SMAP2: variants seen among roughly 807,000 people sequenced by gnomAD.
The protein encoded by SMAP2 is small ArfGAP2.
A neutral mutation model predicts 56.4 loss-of-function variants in SMAP2; 25 were observed. The ratio of observed to expected loss-of-function variants is 0.44; its 90% confidence interval spans 0.32 to 0.62. SMAP2 has a LOEUF of 0.62. SMAP2 is among the 20% of genes least tolerant of loss of function. The pLI is 0.04. For synonymous variants in SMAP2, 157 were observed against 181.7 expected, an observed-to-expected ratio of 0.86 and a Z score of 1.09; for missense variants, 388 against 545.6, an observed-to-expected ratio of 0.71 and a Z score of 2.88.
At chr1:40,350,321 C>T (rs1350248544) in intron 1 of SMAP2, among the ~76,000 whole-genome samples, 1 of 152,148 alleles carries the variant, frequency 6.6e-6, no homozygotes, top group East Asian at 1.9e-4. Flanking sequence ...GTACCAGACA[C>T]ATAGGAATCA....
exon 2 of SMAP2, chr1:40,362,395 T>G (rs934257140): frequency 2.0e-5 from 3 of 152,166 alleles, no homozygotes; most frequent in Admixed American, 6.5e-5. Flanking sequence ...TGGAAGCCAA[T>G]GGAACACAGC....
In SMAP2 at chr1:40,374,530, A is replaced by G. The variant is rs1557827417; in HGVS notation, c.103+307A>G. 7 of 924,562 alleles carry G rather than the reference A, an allele frequency of 7.6e-6. No homozygotes were observed. Among genetic ancestry groups the G allele is most frequent in the Non-Finnish European group, 1.2e-5 (7 of 591,180 alleles). 57.3% of individuals were successfully genotyped at this position (924,562 alleles called of 1,614,324 possible). A position where few individuals can be genotyped will look rare whatever the true frequency, so the allele number is the denominator to read the frequency against. Reference sequence around the variant, plus strand: ...TGAATGAGTTCTGGGCCGGCTGTCCAGAGAGAGCTCCCAGCATGTCACTTG... The same window carrying G: ...TGAATGAGTTCTGGGCCGGCTGTCCGGAGAGAGCTCCCAGCATGTCACTTG... On this transcript the variant is annotated intron_variant, in intron 1 of 9. Transcript: ENST00000372718. The surrounding 1 kb of genome is among the most constrained non-coding windows in gnomAD (Gnocchi z 5.9).
chr1:40,351,070 C>T (rs1309152678), intron 1 of SMAP2, among the ~76,000 whole-genome samples: 1 of 152,202 alleles, frequency 6.6e-6, no homozygotes, highest in Non-Finnish European at 1.5e-5. Flanking sequence ...TTCCCTTGTG[C>T]TTGTCCTACT....
chr1:40,353,422 G>A (rs4660162), intron 1 of SMAP2, among the ~76,000 whole-genome samples: 98,259 of 151,982 alleles, frequency 0.65, 32,139 homozygotes, highest in East Asian at 0.92. Context: ...AGGCTGGAGT[G>A]CAATGGCATG....
intron 1 of SMAP2, among the ~76,000 whole-genome samples, chr1:40,393,100 T>TG (rs1644733068): frequency 3.5e-5 from 1 of 28,862 alleles, no homozygotes; most frequent in African/African-American, 2.3e-4. Flanking sequence ...TGAATCCATC[T>TG]CAAAAAAAAA....
Position 40,415,345 on chromosome 1 carries a change from C to G in SMAP2, c.645C>G (p.Ala215=). 5 of 1,613,784 alleles carry G rather than the reference C, an allele frequency of 3.1e-6. No individual in the cohort carries two copies. Among genetic ancestry groups the G allele is most frequent in the Non-Finnish European group, 4.2e-6 (5 of 1,179,708 alleles). The part of the protein sequence containing the change: ...NTLEKDLDLL[A]SVPSPSSSGS... ...TAGAGAAGGATTTAGATCTGTTGGC[C>G]TCTGTTCCATCCCCTTCTTCTTCCG... The change falls in exon 7 of 10, where the codon GCC becomes GCG. Residue 215 remains alanine (A), a synonymous_variant. Coordinates refer to ENST00000372718, the MANE Select transcript of SMAP2 (RefSeq NM_022733.3).
Position 40,373,989 on chromosome 1 carries a change from G to A in SMAP2, c.-132G>A. 1 of 653,618 alleles carries A rather than the reference G, an allele frequency of 1.5e-6. No individual in the cohort carries two copies. The highest frequency in any genetic ancestry group is 1.9e-5 in the African/African-American group (1 of 53,976). The allele number at this position is 653,618 out of a possible 1,614,324, so 40.5% of individuals were successfully genotyped here. ...CCGGGAAGGGGCGTCCGGCGGGGCCGGAGGAGAGGGCTCTCCCCGCTCAGG... is the reference window on the plus strand; with the variant it reads ...CCGGGAAGGGGCGTCCGGCGGGGCCAGAGGAGAGGGCTCTCCCCGCTCAGG... On this transcript the variant is annotated 5_prime_UTR_variant, in exon 1 of 10. Coordinates refer to ENST00000372718, the MANE Select transcript of SMAP2 (RefSeq NM_022733.3).
At chr1:40,383,540 T>C (rs1644620997) in intron 1 of SMAP2, among the ~76,000 whole-genome samples, 1 of 152,234 alleles carries the variant, frequency 6.6e-6, no homozygotes. Flanking sequence ...CGGAAGGGTT[T>C]TCCGGCAGAT....
intron 1 of SMAP2, among the ~76,000 whole-genome samples, chr1:40,398,507 A>G (rs1374526866): frequency 6.6e-6 from 1 of 152,186 alleles, no homozygotes; most frequent in East Asian, 1.9e-4. Context: ...AGGCTCCAAA[A>G]TTTTTCCCCG....
chr1:40,349,860 TC>T (rs969447770), intron 1 of SMAP2, among the ~76,000 whole-genome samples: 13 of 152,164 alleles, frequency 8.5e-5, no homozygotes, highest in African/African-American at 3.1e-4. Context: ...AGTGTTCCAT[TC>T]CTTCTAAGTT....
intron 1 of SMAP2, chr1:40,393,292 G>A (rs1644734962): frequency 6.7e-7 from 1 of 1,496,620 alleles, no homozygotes; most frequent in South Asian, 1.3e-5. Context: ...GGGCAACAAA[G>A]CAACAAACCC....
chr1:40,378,962 ATTTCT>A (rs201740296), intron 1 of SMAP2, among the ~76,000 whole-genome samples: 7,454 of 148,482 alleles, frequency 0.05, 264 homozygotes, highest in East Asian at 0.18. Flanking sequence ...ATTGTTGGCA[ATTTCT>A]TTTCTTTTCT....
rs528094906 is a variant in SMAP2, at chr1:40,401,120, G to A, written c.104-5616G>A. Reference sequence around the variant, plus strand: ...TAAAAATACAAAAACAAAATTAGCCGGGCGTGATCGCGGGCGCCTGTAGTC... The same window carrying A: ...TAAAAATACAAAAACAAAATTAGCCAGGCGTGATCGCGGGCGCCTGTAGTC... On this transcript the variant is annotated intron_variant, in intron 1 of 9. Coordinates refer to ENST00000372718, the MANE Select transcript of SMAP2 (RefSeq NM_022733.3). 3.3e-5 allele frequency among the ~76,000 whole-genome samples: 5 copies of A among 152,170 alleles called. No homozygotes were observed. The East Asian group carries it at 7.7e-4, about 24-fold the overall frequency.
intron 1 of SMAP2, among the ~76,000 whole-genome samples, chr1:40,402,387 A>G (rs1644843521): frequency 6.6e-6 from 1 of 151,848 alleles, no homozygotes; most frequent in African/African-American, 2.4e-5. Context: ...GTAGATTATT[A>G]TTTACTATAG....
At chr1:40,347,869 G>T (rs1442848744) in intron 1 of SMAP2, among the ~76,000 whole-genome samples, 1 of 152,100 alleles carries the variant, frequency 6.6e-6, no homozygotes, top group Non-Finnish European at 1.5e-5. Flanking sequence ...GTGTGTGTGT[G>T]TCTGTGTGTG....
intron 1 of SMAP2, among the ~76,000 whole-genome samples, chr1:40,357,095 T>C (rs903693054): frequency 1.3e-5 from 2 of 152,020 alleles, no homozygotes; most frequent in Non-Finnish European, 2.9e-5. Context: ...GTTTGCACAT[T>C]TTTTTCCCCA....
chr1:40,353,658 A>G (rs1264097907), intron 1 of SMAP2, among the ~76,000 whole-genome samples: 2 of 152,130 alleles, frequency 1.3e-5, no homozygotes, highest in East Asian at 1.9e-4. Context: ...GTCACTGCAC[A>G]TGGCCCAGAA....
At chr1:40,383,770 T>C (rs755638363) in intron 1 of SMAP2, among the ~76,000 whole-genome samples, 3 of 152,194 alleles carry the variant, frequency 2.0e-5, no homozygotes, top group Non-Finnish European at 4.4e-5. Flanking sequence ...TTCTGGGAAG[T>C]CTTAGGTATG....
chr1:40,359,671 T>A (rs1644451232), intron 1 of SMAP2, among the ~76,000 whole-genome samples: 1 of 152,210 alleles, frequency 6.6e-6, no homozygotes, highest in South Asian at 2.1e-4. Context: ...GCTTTTTATT[T>A]TTTGTTTATC....
Sources: allele counts gnomAD v4.1 joint callset (sites outside exome capture counted in the v4.1 genomes callset), GRCh38; gene constraint gnomAD v4.1.1; non-coding constraint Gnocchi (gnomAD v3.1); transcripts MANE v1.5; gene names NCBI Gene and HGNC (gene_info 2026-07-23, HGNC 2026-07-21).